NTRK2: variants seen among roughly 807,000 people sequenced by gnomAD.
NTRK2 encodes neurotrophic receptor tyrosine kinase 2.
NTRK2 carries 13 observed loss-of-function variants against 94.5 expected under a neutral mutation model. The observed-to-expected ratio is 0.14, with a 90% CI of 0.09 to 0.22. The LOEUF (loss-of-function observed/expected upper bound fraction) is 0.22. Among genes scored for constraint, NTRK2 ranks in the 10% least tolerant of loss-of-function variants. The probability of loss-of-function intolerance (pLI) is 1.00; values close to 1 mark genes in which losing one functional copy is unlikely to be tolerated. For missense variants in NTRK2, 639 were observed against 1,071.2 expected, an observed-to-expected ratio of 0.60 and a Z score of 5.63; for synonymous variants, 372 against 407.4, an observed-to-expected ratio of 0.91 and a Z score of 1.05.
chr9:84,798,609 C>A (rs1313007606), intron 12 of NTRK2, among the ~76,000 whole-genome samples: 1 of 152,162 alleles, frequency 6.6e-6, no homozygotes, highest in Non-Finnish European at 1.5e-5. Context: ...AGAAAATGGG[C>A]TATAGGGTCT....
Position 84,686,318 on chromosome 9 carries a change from G to A in NTRK2, c.212+15358G>A, listed in dbSNP as rs369548091. Among the ~76,000 whole-genome samples the A allele has an allele frequency of 5.6e-4, 86 of 152,338 alleles. 3 individuals are homozygous for A. The South Asian group carries it at 0.016, about 27-fold the overall frequency. On this transcript the variant is annotated intron_variant, in intron 2 of 18. Coordinates refer to ENST00000277120, the MANE Select transcript of NTRK2 (RefSeq NM_006180.6). ...AGCAAAGAGAGGGGAGGATGAGGGC[G>A]TTCTGCAGATGAAGAGAGATGCAGA...
chr9:84,929,381 A>T, intron 14 of NTRK2, among the ~76,000 whole-genome samples: 1 of 152,164 alleles, frequency 6.6e-6, no homozygotes, highest in Non-Finnish European at 1.5e-5. Context: ...TTGCCCAGAC[A>T]GGGTGCAGAT....
At position 84,796,884 on chromosome 9, in the gene NTRK2, T is replaced by C. The variant is rs1003220823; in HGVS notation, c.1396+44799T>C. Among the ~76,000 whole-genome samples, 7 of 152,286 alleles carry C rather than the reference T, an allele frequency of 4.6e-5. No homozygotes were observed. In the East Asian group the frequency reaches 9.6e-4, roughly 21 times the overall value. On this transcript the variant is annotated intron_variant, in intron 12 of 18. Transcript: ENST00000277120. ...TCTTAAATTATTTTTTTCTTTTGGG[T>C]AAGGCTGAATTACCCCCTACTTGCC...
intron 17 of NTRK2, among the ~76,000 whole-genome samples, chr9:85,010,654 G>T (rs559873203): frequency 2.6e-4 from 40 of 152,170 alleles, no homozygotes; most frequent in Admixed American, 2.6e-3. Flanking sequence ...ACTGGGGAGC[G>T]GGGCTGTCAG....
chr9:84,848,879 A>G (rs931873739), intron 12 of NTRK2, among the ~76,000 whole-genome samples: 1 of 152,226 alleles, frequency 6.6e-6, no homozygotes. Context: ...CTTTGGAATA[A>G]AGGTGTGGCC....
rs200528768 is a variant in NTRK2, at chr9:84,955,397, G to A, written c.2052G>A (p.Ala684=). 1 of 1,614,072 alleles carries A rather than the reference G, an allele frequency of 6.2e-7. No homozygotes were observed. The highest frequency in any genetic ancestry group is 1.7e-5 in the Admixed American group (1 of 60,010). The part of the protein sequence containing the change: ...QQIAAGMVYL[A]SQHFVHRDLA... ...TCGCCGCGGGCATGGTCTACCTGGC[G>A]TCCCAGCACTTCGTGCACCGCGATT... The change falls in exon 17 of 19, where the codon GCG becomes GCA. Residue 684 remains alanine (A), a synonymous_variant. Transcript: ENST00000277120.
At chr9:84,878,292 G>C (rs1268638849) in intron 14 of NTRK2, among the ~76,000 whole-genome samples, 1 of 152,180 alleles carries the variant, frequency 6.6e-6, no homozygotes, top group Non-Finnish European at 1.5e-5. Context: ...TGTAAGGTGA[G>C]TGAGCTTAGT....
At chr9:84,716,853 G>C (rs1230376508) in intron 6 of NTRK2, among the ~76,000 whole-genome samples, 1 of 152,200 alleles carries the variant, frequency 6.6e-6, no homozygotes, top group African/African-American at 2.4e-5. Context: ...GTGTTTAGAA[G>C]TGCAGTTTCA....
At chr9:84,872,695 A>T in intron 14 of NTRK2, 1 of 1,064,952 alleles carries the variant, frequency 9.4e-7, no homozygotes, top group Non-Finnish European at 1.1e-6. Flanking sequence ...TATTATAGTT[A>T]ATGTGTGTGT....
At chr9:85,004,011 A>AGAG (rs1564542014) in intron 17 of NTRK2, among the ~76,000 whole-genome samples, 20 of 96,290 alleles carry the variant, frequency 2.1e-4, no homozygotes, top group African/African-American at 4.7e-4. Context: ...AAAGAAAGAA[A>AGAG]AGAAAGAGAG....
At chr9:84,968,529 T>G (rs1825825585) in intron 17 of NTRK2, among the ~76,000 whole-genome samples, 1 of 152,216 alleles carries the variant, frequency 6.6e-6, no homozygotes, top group African/African-American at 2.4e-5. Context: ...CTGGGTTTTT[T>G]GTCCAGCCTA....
At position 85,023,312 on chromosome 9, in the gene NTRK2, C is replaced by T. The variant is rs1832873984; in HGVS notation, c.*1875C>T. 4.3e-6 allele frequency: 1 copy of T among 232,796 alleles called. No individual in the cohort carries two copies. The highest frequency in any genetic ancestry group is 8.5e-6 in the Non-Finnish European group (1 of 117,750). The allele number at this position is 232,796 out of a possible 1,614,324, so 14.4% of individuals were successfully genotyped here. Reference sequence around the variant, plus strand: ...TTGAAAGGGAGTGATTTTCATTCATCTTAGGTCATGTTATTTCATATTTGT... The same window carrying T: ...TTGAAAGGGAGTGATTTTCATTCATTTTAGGTCATGTTATTTCATATTTGT... On this transcript the variant is annotated 3_prime_UTR_variant, in exon 19 of 19. Transcript: ENST00000277120.
intron 12 of NTRK2, among the ~76,000 whole-genome samples, chr9:84,851,342 C>T (rs1400019681): frequency 6.6e-6 from 1 of 152,220 alleles, no homozygotes; most frequent in Admixed American, 6.5e-5. Flanking sequence ...TTTCCTTCCA[C>T]TGACAGTGTG....
chr9:84,670,753 C>T lies in NTRK2; in HGVS notation c.5C>T (p.Ser2Leu), dbSNP rs1181805012. 1 of 1,612,716 alleles carries T rather than the reference C, an allele frequency of 6.2e-7. No individual in the cohort carries two copies. The highest frequency in any genetic ancestry group is 2.2e-5 in the East Asian group (1 of 44,868). Residue 2 changes from serine to leucine, a missense_variant, in exon 2 of 19, where the codon TCG becomes TTG. Ser to Leu is a moderately radical substitution (Grantham distance 145). This residue lies in a region of NTRK2 where 206 missense variants were observed against 251.5 expected (regional missense o/e 0.82). Transcript: ENST00000277120. The stretch of plus-strand genomic sequence containing the variant: ...GGCTGGCACTGGCTGCTAGGGATGT[C>T]GTCCTGGATAAGGTGGCATGGACCC... MSSWIRWHGPAM... is the reference protein window; with the variant it reads MLSWIRWHGPAM...
intron 17 of NTRK2, among the ~76,000 whole-genome samples, chr9:84,987,359 T>G (rs1248594880): frequency 6.6e-6 from 1 of 152,180 alleles, no homozygotes; most frequent in Non-Finnish European, 1.5e-5. Flanking sequence ...ACATCCCCAT[T>G]TTTTTAAGTT....
intron 17 of NTRK2, among the ~76,000 whole-genome samples, chr9:85,015,676 C>CTA (rs1832140679): frequency 6.6e-6 from 1 of 152,146 alleles, no homozygotes; most frequent in African/African-American, 2.4e-5. Context: ...CAGAGCTACA[C>CTA]GAAGAGCACT....
At chr9:84,905,783 G>A (rs1041097726) in intron 14 of NTRK2, among the ~76,000 whole-genome samples, 1 of 152,130 alleles carries the variant, frequency 6.6e-6, no homozygotes, top group Non-Finnish European at 1.5e-5. Flanking sequence ...AAGGAGGAAG[G>A]GTCTTGTCAG....
chr9:84,682,622 A>T (rs1051671739), intron 2 of NTRK2, among the ~76,000 whole-genome samples: 3 of 152,060 alleles, frequency 2.0e-5, no homozygotes, highest in Admixed American at 1.3e-4. Flanking sequence ...ATTCCCTCCC[A>T]CCATGTACTC....
intron 14 of NTRK2, among the ~76,000 whole-genome samples, chr9:84,882,610 C>G (rs967244733): frequency 6.6e-6 from 1 of 152,108 alleles, no homozygotes; most frequent in Admixed American, 6.5e-5. Flanking sequence ...ACCCCATGTC[C>G]GGTAGCAAGC....
Sources: gnomAD v4.1 joint callset for allele counts (sites outside exome capture counted in the v4.1 genomes callset) on GRCh38, gnomAD v4.1.1 for gene constraint, gnomAD v4.1.1 regional missense constraint, MANE v1.5 for transcripts, NCBI Gene and HGNC (gene_info 2026-07-23, HGNC 2026-07-21) for gene names.